RBPMS: variants seen among roughly 807,000 people sequenced by gnomAD.
RBPMS encodes RNA binding protein, mRNA processing factor.
A neutral mutation model predicts 26.8 loss-of-function variants in RBPMS; 7 were observed. The ratio of observed to expected loss-of-function variants is 0.26; its 90% CI spans 0.15 to 0.49. The LOEUF (loss-of-function observed/expected upper bound fraction) is 0.49. Ranked by LOEUF, RBPMS falls within the 20% of genes least tolerant of loss-of-function variation. The pLI is 0.98. For missense variants in RBPMS, 186 were observed against 250.0 expected (o/e 0.74, Z 1.73); for synonymous variants, 96 against 93.3 (o/e 1.03, Z -0.17).
At chr8:30,510,103 C>G (rs1305686839) in intron 5 of RBPMS, among the ~76,000 whole-genome samples, 1 of 152,194 alleles carries the variant, frequency 6.6e-6, no homozygotes, top group Non-Finnish European at 1.5e-5. Context: ...TACCTGGGCT[C>G]TCACAAAACA....
chr8:30,409,602 G>GT (rs1404522982), intron 1 of RBPMS, among the ~76,000 whole-genome samples: 3 of 152,300 alleles, frequency 2.0e-5, no homozygotes, highest in Non-Finnish European at 2.9e-5. Context: ...ACTTAGCACA[G>GT]TGAATATGCG....
At chr8:30,430,756 T>C (rs2979470) in intron 1 of RBPMS, among the ~76,000 whole-genome samples, 90,201 of 152,144 alleles carry the variant, frequency 0.59, 27,918 homozygotes, top group African/African-American at 0.78. Flanking sequence ...TCCTAAAGAC[T>C]AAAGTTATAG....
intron 1 of RBPMS, among the ~76,000 whole-genome samples, chr8:30,408,125 T>C (rs1808861672): frequency 6.6e-6 from 1 of 152,180 alleles, no homozygotes; most frequent in Non-Finnish European, 1.5e-5. Context: ...ATCTAGTCTT[T>C]TCTACTTCTT....
intron 1 of RBPMS, among the ~76,000 whole-genome samples, chr8:30,410,547 T>C (rs1169514175): frequency 6.7e-6 from 1 of 149,944 alleles, no homozygotes; most frequent in African/African-American, 2.4e-5. Context: ...CTTTAAAATA[T>C]ATATATAGGT....
intron 1 of RBPMS, among the ~76,000 whole-genome samples, chr8:30,440,960 C>G (rs145521113): frequency 2.0e-5 from 3 of 151,472 alleles, no homozygotes; most frequent in Non-Finnish European, 4.4e-5. Context: ...ACCACAGTCC[C>G]CCGCCCCGCC....
Position 30,557,186 on chromosome 8 carries a change from A to G in RBPMS, c.529-1701A>G, listed in dbSNP as rs1827007674. Among the ~76,000 whole-genome samples, 5 of 152,146 alleles carry G rather than the reference A, an allele frequency of 3.3e-5. No homozygotes were observed. The South Asian group carries it at 1.0e-3, about 32-fold the overall frequency. On this transcript the variant is annotated intron_variant, in intron 6 of 8. Transcript: ENST00000397323. ...ACCCAATGCACAGGCAGCCTGACGG[A>G]GTCGTGGTGCAGGCAGAAGCTCCGG...
chr8:30,559,023 C>T (rs1827225902), intron 7 of RBPMS, 67 bp downstream of exon 7: 8 of 1,324,940 alleles, frequency 6.0e-6, no homozygotes, highest in Non-Finnish European at 7.6e-6. Flanking sequence ...GTGGGTGCGC[C>T]ATGAACGCAG....
At chr8:30,447,228 T>C (rs1813974288) in intron 1 of RBPMS, among the ~76,000 whole-genome samples, 1 of 152,082 alleles carries the variant, frequency 6.6e-6, no homozygotes, top group South Asian at 2.1e-4. Flanking sequence ...GAAAGTGTAA[T>C]TGCAAATATC....
chr8:30,535,255 G>T (rs1187073171), intron 5 of RBPMS, among the ~76,000 whole-genome samples: 3 of 152,196 alleles, frequency 2.0e-5, no homozygotes, highest in Non-Finnish European at 4.4e-5. Flanking sequence ...TAGGCACTTT[G>T]TAATATCGTT....
At chr8:30,464,603 C>T (rs1816293550) in intron 1 of RBPMS, among the ~76,000 whole-genome samples, 1 of 152,094 alleles carries the variant, frequency 6.6e-6, no homozygotes, top group Non-Finnish European at 1.5e-5. Context: ...CTGTAAACTG[C>T]CAATGTCTGT....
chr8:30,433,346 T>G (rs1812135729), intron 1 of RBPMS, among the ~76,000 whole-genome samples: 1 of 152,206 alleles, frequency 6.6e-6, no homozygotes, highest in African/African-American at 2.4e-5. Context: ...TATGTTTAGA[T>G]TTTTCAAATA....
At chr8:30,430,926 C>G (rs1472240456) in intron 1 of RBPMS, among the ~76,000 whole-genome samples, 2 of 152,122 alleles carry the variant, frequency 1.3e-5, no homozygotes, top group Admixed American at 6.5e-5. Flanking sequence ...ACAAGGCCTT[C>G]TTATTTGGTG....
At chr8:30,432,990 A>G (rs986532653) in intron 1 of RBPMS, among the ~76,000 whole-genome samples, 6 of 152,336 alleles carry the variant, frequency 3.9e-5, no homozygotes, top group Non-Finnish European at 5.9e-5. Flanking sequence ...CTGAAAGCCA[A>G]TGCAAGCTTC....
At chr8:30,436,166 C>T (rs780403311) in intron 1 of RBPMS, among the ~76,000 whole-genome samples, 4 of 151,866 alleles carry the variant, frequency 2.6e-5, no homozygotes, top group African/African-American at 9.7e-5. Context: ...TGACATCAGC[C>T]TCCTCCTTTA....
chr8:30,499,959 G>T (rs1820380018), intron 4 of RBPMS, among the ~76,000 whole-genome samples: 1 of 151,742 alleles, frequency 6.6e-6, no homozygotes. Context: ...AGGGTATATA[G>T]GAATTATACT....
At chr8:30,388,898 G>C (rs927814916) in intron 1 of RBPMS, among the ~76,000 whole-genome samples, 22 of 152,124 alleles carry the variant, frequency 1.4e-4, no homozygotes, top group African/African-American at 5.3e-4. Context: ...TTGGAATATT[G>C]ATCAAAAAGA....
intron 1 of RBPMS, among the ~76,000 whole-genome samples, chr8:30,408,788 C>G (rs1808946267): frequency 6.6e-6 from 1 of 152,170 alleles, no homozygotes; most frequent in African/African-American, 2.4e-5. Flanking sequence ...ACTATCACCA[C>G]TATCTAATTT....
chr8:30,516,067 T>C (rs991920969), intron 5 of RBPMS, among the ~76,000 whole-genome samples: 3 of 152,252 alleles, frequency 2.0e-5, no homozygotes, highest in East Asian at 1.9e-4. Flanking sequence ...TAAAAACTTC[T>C]GGTCCTAATA....
intron 1 of RBPMS, among the ~76,000 whole-genome samples, chr8:30,458,526 T>A (rs1403970827): frequency 6.6e-6 from 1 of 151,988 alleles, no homozygotes; most frequent in Non-Finnish European, 1.5e-5. Flanking sequence ...ACAGTTTATA[T>A]GCTTTAACAC....
Sources: allele counts gnomAD v4.1 joint callset (sites outside exome capture counted in the v4.1 genomes callset), GRCh38; gene constraint gnomAD v4.1.1; transcripts MANE v1.5; gene names NCBI Gene and HGNC (gene_info 2026-07-23, HGNC 2026-07-21).